The following OR2L13 variants were observed in gnomAD, a reference collection of about 807,000 sequenced individuals.
The protein encoded by OR2L13 is olfactory receptor family 2 subfamily L member 13.
OR2L13 carries 14 observed loss-of-function variants against 15.3 expected under a neutral mutation model. The ratio of observed to expected loss-of-function variants is 0.91; its 90% confidence interval spans 0.60 to 1.43. The LOEUF (loss-of-function observed/expected upper bound fraction) is 1.43, where lower values mean the gene tolerates loss of function less well. OR2L13 is among the 40% of genes most tolerant of loss of function. The probability of loss-of-function intolerance (pLI) is 0.00; values close to 1 mark genes in which losing one functional copy is unlikely to be tolerated. For missense variants in OR2L13, 367 were observed against 387.9 expected, an observed-to-expected ratio of 0.95 and a Z score of 0.45; for synonymous variants, 152 against 142.9, an observed-to-expected ratio of 1.06 and a Z score of -0.45.
chr1:247,948,980 C>T, the OR2L13 span: 17 of 1,613,812 alleles, frequency 1.1e-5, no homozygotes, highest in South Asian at 1.9e-4. Flanking sequence ...TAATTGGAAA[C>T]CTGTCCATGA....
chr1:248,100,001 C>T, exon 3 of OR2L13: 1 of 1,614,172 alleles, frequency 6.2e-7, no homozygotes, highest in Non-Finnish European at 8.5e-7. Context: ...CTCCTTTTCC[C>T]TTTCATTGGC....
At chr1:247,958,188 T>C in the OR2L13 span, among the ~76,000 whole-genome samples, 1 of 152,338 alleles carries the variant, frequency 6.6e-6, no homozygotes, top group East Asian at 1.9e-4. Context: ...CCTGCCTTCA[T>C]TTCGTTATGT....
chr1:248,061,209 C>A, the OR2L13 span: 12 of 1,612,158 alleles, frequency 7.4e-6, no homozygotes, highest in Middle Eastern at 3.3e-4. Context: ...TCAATCATTT[C>A]TTCTGTGATG....
the OR2L13 span, among the ~76,000 whole-genome samples, chr1:248,057,363 C>T: frequency 6.6e-6 from 1 of 152,082 alleles, no homozygotes; most frequent in Non-Finnish European, 1.5e-5. Flanking sequence ...AAATTTTTGT[C>T]GAATTGAACT....
chr1:248,022,016 C>A, the OR2L13 span: 1 of 1,613,794 alleles, frequency 6.2e-7, no homozygotes, highest in African/African-American at 1.3e-5. Context: ...CAAAAATTGG[C>A]CTTTTCCTCT....
chr1:248,032,167 A>G, the OR2L13 span, among the ~76,000 whole-genome samples: 1 of 152,140 alleles, frequency 6.6e-6, no homozygotes, highest in Non-Finnish European at 1.5e-5. Context: ...GTCCCTCACA[A>G]ATAACCAGAG....
chr1:248,058,438 C>T, the OR2L13 span, among the ~76,000 whole-genome samples: 2 of 152,212 alleles, frequency 1.3e-5, no homozygotes, highest in African/African-American at 4.8e-5. Context: ...CTGCATTACA[C>T]CTTATGTCTG....
the OR2L13 span, among the ~76,000 whole-genome samples, chr1:247,994,198 C>T: frequency 1.1e-4 from 16 of 152,204 alleles, no homozygotes; most frequent in African/African-American, 3.6e-4. Flanking sequence ...AGATCGAGAC[C>T]ATCCTGGCTA....
the OR2L13 span, among the ~76,000 whole-genome samples, chr1:247,962,271 G>A: frequency 6.6e-6 from 1 of 152,138 alleles, no homozygotes; most frequent in Non-Finnish European, 1.5e-5. Flanking sequence ...TTTCCCTGGT[G>A]CTAAATCTTA....
chr1:248,074,646 G>A, the OR2L13 span, among the ~76,000 whole-genome samples: 1 of 152,124 alleles, frequency 6.6e-6, no homozygotes, highest in East Asian at 1.9e-4. Context: ...AAGGACACAT[G>A]CATGGTAACA....
chr1:248,057,731 T>G, the OR2L13 span, among the ~76,000 whole-genome samples: 1 of 152,218 alleles, frequency 6.6e-6, no homozygotes, highest in African/African-American at 2.4e-5. Flanking sequence ...AGGTTTATTC[T>G]TAAGTGTTTT....
chr1:248,003,303 T>C, the OR2L13 span: 2 of 1,583,412 alleles, frequency 1.3e-6, no homozygotes. Context: ...CACACACCCA[T>C]GTGTTTCCTA....
the OR2L13 span, chr1:248,021,849 C>T: frequency 1.2e-6 from 1 of 865,240 alleles, no homozygotes; most frequent in East Asian, 2.5e-5. Flanking sequence ...TTCAGGCATT[C>T]ACTGGAGGCC....
At chr1:248,038,586 G>T in the OR2L13 span, 8 of 1,614,168 alleles carry the variant, frequency 5.0e-6, no homozygotes, top group African/African-American at 9.3e-5. Context: ...CTTGACTTTA[G>T]CAGTTGCAGA....
the OR2L13 span, among the ~76,000 whole-genome samples, chr1:248,058,182 G>A: frequency 9.9e-5 from 15 of 152,188 alleles, no homozygotes; most frequent in Admixed American, 2.6e-4. Flanking sequence ...CAGACCACAG[G>A]GTAAAATGTT....
chr1:248,031,567 G>GA, the OR2L13 span, among the ~76,000 whole-genome samples: 2 of 152,160 alleles, frequency 1.3e-5, no homozygotes, highest in Non-Finnish European at 2.9e-5. Flanking sequence ...ACTTGCTTCT[G>GA]ATGTATTTTC....
At chr1:248,042,558 A>T in the OR2L13 span, among the ~76,000 whole-genome samples, 1 of 150,380 alleles carries the variant, frequency 6.6e-6, no homozygotes, top group Non-Finnish European at 1.5e-5. Context: ...AAAAACAAAA[A>T]CAAACAAGCA....
At chr1:247,998,219 C>T in the OR2L13 span, among the ~76,000 whole-genome samples, 45 of 152,122 alleles carry the variant, frequency 3.0e-4, no homozygotes, top group Admixed American at 4.6e-4. Flanking sequence ...TTCTGTAACA[C>T]GTCAGCAGAA....
At chr1:247,937,284 G>A in the OR2L13 span, 2 of 153,488 alleles carry the variant, frequency 1.3e-5, no homozygotes, top group Admixed American at 6.5e-5. Flanking sequence ...CGCGACCGCC[G>A]ACCACGATGA....
Sources: gnomAD v4.1 joint callset for allele counts (sites outside exome capture counted in the v4.1 genomes callset) on GRCh38, gnomAD v4.1.1 for gene constraint, MANE v1.5 for transcripts, NCBI Gene and HGNC (gene_info 2026-07-23, HGNC 2026-07-21) for gene names.